MANBA: variants seen among roughly 807,000 people sequenced by gnomAD.
MANBA encodes mannosidase beta, also known as beta-mannosidase.
MANBA carries 83 observed loss-of-function variants against 111.1 expected under a neutral mutation model. That is an observed-to-expected ratio of 0.75 (90% CI 0.63 to 0.90). MANBA has a LOEUF of 0.90. Ranked by LOEUF, MANBA falls within the 40% of genes least tolerant of loss-of-function variation. MANBA has a pLI of 0.00. For missense variants in MANBA, 1,036 were observed against 1,069.0 expected (o/e 0.97, Z 0.43); for synonymous variants, 370 against 378.7 (o/e 0.98, Z 0.27).
At chr4:102,727,172 T>C (rs1722842926) in intron 1 of MANBA, 3 of 334,316 alleles carry the variant, frequency 9.0e-6, no homozygotes, top group African/African-American at 2.1e-5. Context: ...AGACAAACTA[T>C]GGTCTGGGAG....
chr4:102,667,126 GCTTC>G (rs1404073434), intron 10 of MANBA: 3 of 152,150 alleles, frequency 2.0e-5, no homozygotes, highest in Non-Finnish European at 2.9e-5. Context: ...AACTTTGATA[GCTTC>G]CTTGTTATCT....
chr4:102,727,601 C>T (rs1458272685), intron 1 of MANBA: 25 of 1,598,928 alleles, frequency 1.6e-5, no homozygotes, highest in African/African-American at 5.4e-5. Context: ...CTTTTGGGCT[C>T]GGGAGACAGG....
chr4:102,681,323 CCT>C (rs1334916053), intron 7 of MANBA, among the ~76,000 whole-genome samples: 1 of 151,914 alleles, frequency 6.6e-6, no homozygotes, highest in African/African-American at 2.4e-5. Context: ...AGAGTGAGCC[CCT>C]GTCTCTAAAA....
At chr4:102,696,007 C>T (rs1009054685) in intron 5 of MANBA, among the ~76,000 whole-genome samples, 1 of 152,086 alleles carries the variant, frequency 6.6e-6, no homozygotes, top group African/African-American at 2.4e-5. Context: ...GCAGGAGGAT[C>T]TCTTGAGCCC....
chr4:102,702,978 A>G (rs544951898), intron 5 of MANBA, among the ~76,000 whole-genome samples: 67 of 152,378 alleles, frequency 4.4e-4, no homozygotes, highest in South Asian at 2.5e-3. Context: ...GTTTGTTTTA[A>G]TAACTACTTT....
At chr4:102,760,571 C>T (rs1392945803) in intron 1 of MANBA, 147 bp downstream of exon 1, 2 of 931,410 alleles carry the variant, frequency 2.1e-6, no homozygotes, top group Non-Finnish European at 3.1e-6. Context: ...GGCATTTCCC[C>T]CCGCAGATCA....
chr4:102,723,954 C>T lies in MANBA; in HGVS notation c.286G>A (p.Val96Ile), dbSNP rs1458385295. Residue 96 changes from valine to isoleucine, a missense_variant, in exon 3 of 17, where the codon GTA becomes ATA. Physicochemically the swap from Val to Ile is conservative, Grantham distance 29. Transcript: ENST00000647097. ...TCCACTCCCTCAAGAATCAAATTTA[C>T]TTTTTGCCATTTGCTAAAAAAAAGA... Reference protein sequence around the residue: ...IPFEISKWQKVNLILEGVDTV... With the variant: ...IPFEISKWQKINLILEGVDTV... 12 of 1,605,400 alleles carry T rather than the reference C, an allele frequency of 7.5e-6. No individual in the cohort carries two copies. Among genetic ancestry groups the T allele is most frequent in the East Asian group, 2.2e-5 (1 of 44,722 alleles).
chr4:102,700,309 G>C (rs1320009680), intron 5 of MANBA, among the ~76,000 whole-genome samples: 4 of 151,946 alleles, frequency 2.6e-5, no homozygotes, highest in African/African-American at 4.8e-5. Context: ...CAAAAAACCA[G>C]CTCCTGGATT....
At chr4:102,724,165 T>C (rs1257321525) in intron 2 of MANBA, among the ~76,000 whole-genome samples, 198 bp from the exon 3 acceptor site, 2 of 152,250 alleles carry the variant, frequency 1.3e-5, no homozygotes, top group African/African-American at 4.8e-5. Context: ...CTTATCTTTC[T>C]CTATAATGTA....
At chr4:102,691,514 C>CTTT (rs544931674) in intron 5 of MANBA, among the ~76,000 whole-genome samples, 2 of 137,076 alleles carry the variant, frequency 1.5e-5, no homozygotes, top group Non-Finnish European at 3.2e-5. Context: ...TTTCTTTTTC[C>CTTT]TTTTTTTTTT....
chr4:102,634,700 C>T, intron 16 of MANBA, 88 bp downstream of exon 16: 1 of 1,565,040 alleles, frequency 6.4e-7, no homozygotes, highest in Non-Finnish European at 8.8e-7. Flanking sequence ...GGGACACATG[C>T]AAATCTCAGG....
At chr4:102,671,445 CAG>C (rs780789583) in intron 8 of MANBA, 47 bp from the exon 9 acceptor site, 1 of 1,018,406 alleles carries the variant, frequency 9.8e-7, no homozygotes, top group Non-Finnish European at 1.5e-6. Context: ...AAAAAAAAAA[CAG>C]ATTGTGACAG....
intron 16 of MANBA, 34 bp downstream of exon 16, chr4:102,634,754 C>T: frequency 6.2e-7 from 1 of 1,612,344 alleles, no homozygotes; most frequent in Non-Finnish European, 8.5e-7. Flanking sequence ...CACAAGGCCA[C>T]AGTCCCCTGC....
chr4:102,676,408 C>T (rs927557389), intron 7 of MANBA, among the ~76,000 whole-genome samples: 4 of 151,812 alleles, frequency 2.6e-5, no homozygotes, highest in African/African-American at 9.7e-5. Context: ...AGTTATGCAC[C>T]CCTGGCTGGA....
At chr4:102,668,707 A>T (rs1446222769) in intron 10 of MANBA, 1 of 450,108 alleles carries the variant, frequency 2.2e-6, no homozygotes, top group Non-Finnish European at 4.1e-6. Flanking sequence ...CAGAGGCACC[A>T]GGTAGGCAGT....
chr4:102,744,324 T>C (rs1389014378), intron 1 of MANBA, among the ~76,000 whole-genome samples: 1 of 152,228 alleles, frequency 6.6e-6, no homozygotes, highest in Non-Finnish European at 1.5e-5. Context: ...GTCTCACCAA[T>C]AAGTCCAGTG....
chr4:102,669,069 G>C lies in MANBA; in HGVS notation c.1231-20C>G, dbSNP rs1445078270. 1 of 1,539,808 alleles carries C rather than the reference G, an allele frequency of 6.5e-7. No individual in the cohort carries two copies. Among genetic ancestry groups the C allele is most frequent in the Admixed American group, 1.7e-5 (1 of 59,504 alleles). The stretch of plus-strand genomic sequence containing the variant: ...CCATACCTAGCAAATCAAATAAAAG[G>C]GAATGCAACACTTCCATAAGTTTTA... On this transcript the variant is annotated intron_variant, in intron 9 of 16. Transcript: ENST00000647097.
intron 1 of MANBA, among the ~76,000 whole-genome samples, chr4:102,754,747 G>A (rs1157696316): frequency 9.9e-5 from 15 of 151,868 alleles, no homozygotes; most frequent in African/African-American, 3.1e-4. Context: ...TAGTAGAGAC[G>A]GGGTTTCACC....
intron 1 of MANBA, among the ~76,000 whole-genome samples, chr4:102,731,398 T>C (rs1008247364): frequency 6.6e-6 from 1 of 152,186 alleles, no homozygotes; most frequent in Admixed American, 6.5e-5. Context: ...TTCCGCTCAT[T>C]GGATTCACTT....
Sources: gnomAD v4.1 joint callset for allele counts (sites outside exome capture counted in the v4.1 genomes callset) on GRCh38, gnomAD v4.1.1 for gene constraint, MANE v1.5 for transcripts, NCBI Gene and HGNC (gene_info 2026-07-23, HGNC 2026-07-21) for gene names.